AAK1: variants seen among roughly 807,000 people sequenced by gnomAD.
AAK1 encodes the protein AP2 associated kinase 1.
AAK1 carries 37 observed loss-of-function variants against 116.0 expected under a neutral mutation model. That is an observed-to-expected ratio of 0.32 (90% CI 0.25 to 0.42). The LOEUF (loss-of-function observed/expected upper bound fraction) is 0.42, where lower values mean the gene tolerates loss of function less well. AAK1 is among the 10% of genes least tolerant of loss of function. AAK1 has a pLI of 1.00. For missense variants in AAK1, 919 were observed against 1,170.6 expected, an observed-to-expected ratio of 0.79 and a Z score of 3.14; for synonymous variants, 458 against 439.9, an observed-to-expected ratio of 1.04 and a Z score of -0.51.
intron 14 of AAK1, among the ~76,000 whole-genome samples, chr2:69,507,983 A>C (rs936723425): frequency 1.3e-5 from 2 of 152,232 alleles, no homozygotes; most frequent in South Asian, 4.1e-4. Flanking sequence ...CTAGGATTAC[A>C]GGCGTGAGCC....
In AAK1 at chr2:69,459,154, A is replaced by G. The variant is rs7577689; in HGVS notation, c.*16715T>C. ...AAACTTGACCCTGCATTCCGGGAAA[A>G]GTACCTCTGGGTTGTCACTACAGAG... On this transcript the variant is annotated 3_prime_UTR_variant, in exon 22 of 22. Coordinates refer to ENST00000409085, the MANE Select transcript of AAK1 (RefSeq NM_014911.5). 103,486 of 152,144 alleles carry G rather than the reference A, an allele frequency of 0.68. 36,667 individuals carry two copies. Among genetic ancestry groups the G allele is most frequent in the African/African-American group, 0.9 (37,186 of 41,528 alleles). The allele number at this position is 152,144 out of a possible 1,614,324, so 9.4% of individuals were successfully genotyped here. A position where few individuals can be genotyped will look rare whatever the true frequency, so the allele number is the denominator to read the frequency against.
chr2:69,512,681 A>T (rs1676435972), intron 13 of AAK1, among the ~76,000 whole-genome samples: 1 of 152,258 alleles, frequency 6.6e-6, no homozygotes, highest in Admixed American at 6.5e-5. Flanking sequence ...CTCCTGGCCA[A>T]AGCATGGTCT....
rs1156711789 is a variant in AAK1, at chr2:69,530,534, C to T, written c.738+91G>A. ...GTAGACCATGATATGGTACAGTAGCCACCATGCTATAGCGCTGTGTGCATT... is the reference window on the plus strand; with the variant it reads ...GTAGACCATGATATGGTACAGTAGCTACCATGCTATAGCGCTGTGTGCATT... On this transcript the variant is annotated intron_variant, in intron 7 of 21. Coordinates refer to ENST00000409085, the MANE Select transcript of AAK1 (RefSeq NM_014911.5). 5.6e-6 allele frequency: 6 copies of T among 1,070,004 alleles called. No homozygotes were observed. The African/African-American group carries it at 9.4e-5, about 17-fold the overall frequency. 66.3% of individuals were successfully genotyped at this position (1,070,004 alleles called of 1,614,324 possible).
chr2:69,587,145 C>G (rs1483178309), intron 2 of AAK1, among the ~76,000 whole-genome samples: 1 of 151,262 alleles, frequency 6.6e-6, no homozygotes, highest in Admixed American at 6.6e-5. Context: ...AGTACGATGG[C>G]ATGCTGACAG....
intron 13 of AAK1, 46 bp downstream of exon 13, chr2:69,514,425 A>G (rs1218710558): frequency 1.3e-6 from 2 of 1,482,370 alleles, no homozygotes; most frequent in Non-Finnish European, 1.8e-6. Flanking sequence ...CTCTCGCTGC[A>G]CATTCCTCTG....
rs1053773450 is a variant in AAK1, at chr2:69,467,551, G to C, written c.*8318C>G. On this transcript the variant is annotated 3_prime_UTR_variant, in exon 22 of 22. Transcript: ENST00000409085. The stretch of plus-strand genomic sequence containing the variant: ...GGGGGTAAAGGTATCATTTCATCAT[G>C]GGCTCAGTAAAGAGATACTACTGGA... 1.8e-5 allele frequency: 18 copies of C among 985,190 alleles called. No homozygotes were observed. The highest frequency in any genetic ancestry group is 2.2e-5 in the Non-Finnish European group (18 of 829,916). The allele number at this position is 985,190 out of a possible 1,614,324, so 61.0% of individuals were successfully genotyped here. A position where few individuals can be genotyped will look rare whatever the true frequency, so the allele number is the denominator to read the frequency against.
At chr2:69,611,007 A>G (rs1674053617) in intron 2 of AAK1, among the ~76,000 whole-genome samples, 1 of 152,242 alleles carries the variant, frequency 6.6e-6, no homozygotes, top group Non-Finnish European at 1.5e-5. Flanking sequence ...TGATCCAGCA[A>G]TTCCATTTCT....
chr2:69,497,903 C>G (rs573616608), intron 16 of AAK1, among the ~76,000 whole-genome samples: 1 of 152,106 alleles, frequency 6.6e-6, no homozygotes, highest in African/African-American at 2.4e-5. Flanking sequence ...CCAGTTGTTA[C>G]GTGGCCCTAT....
Position 69,514,739 on chromosome 2 carries a change from A to G in AAK1, c.1508T>C (p.Val503Ala), listed in dbSNP as rs1676515386. 6.3e-7 allele frequency: 1 copy of G among 1,586,936 alleles called. No individual in the cohort carries two copies. Among genetic ancestry groups the G allele is most frequent in the Non-Finnish European group, 8.6e-7 (1 of 1,164,428 alleles). ...TGCTGGTTTCTGGGTTGCTGGATGT[A>G]CTGCCTGAAACTGAGCAAGAAATGA... ...QQAQTQQFQA[V>A]HPATQKPAIA... The change falls in exon 13 of 22, where the codon GTA becomes GCA. Residue 503 changes from valine (V) to alanine (A), a missense_variant. This residue lies in a region of AAK1 where 214 missense variants were observed against 210.6 expected (regional missense o/e 1.02). Coordinates refer to ENST00000409085, the MANE Select transcript of AAK1 (RefSeq NM_014911.5).
At position 69,466,813 on chromosome 2, in the gene AAK1, G is replaced by GT; in HGVS notation, c.*9055dup. 7 of 985,392 alleles carry GT rather than the reference G, an allele frequency of 7.1e-6. No homozygotes were observed. Among genetic ancestry groups the GT allele is most frequent in the Non-Finnish European group, 7.2e-6 (6 of 829,918 alleles). The allele number at this position is 985,392 out of a possible 1,614,324, so 61.0% of individuals were successfully genotyped here. On this transcript the variant is annotated 3_prime_UTR_variant, in exon 22 of 22. Coordinates refer to ENST00000409085, the MANE Select transcript of AAK1 (RefSeq NM_014911.5). ...GATGTTAGGCACACAGACATTCAGC[G>GT]TAACTATGCAATGCTCCTACACACA...
intron 2 of AAK1, chr2:69,594,935 T>C: frequency 9.8e-7 from 1 of 1,017,262 alleles, no homozygotes; most frequent in Non-Finnish European, 1.5e-6. Flanking sequence ...CTCTGCTTCC[T>C]GTCATAACGC....
intron 5 of AAK1, among the ~76,000 whole-genome samples, chr2:69,535,197 C>T (rs1670412157): frequency 1.3e-5 from 2 of 152,154 alleles, no homozygotes. Flanking sequence ...TCTAGAAAAG[C>T]TGTTATACCA....
chr2:69,466,556 A>G lies in AAK1; in HGVS notation c.*9313T>C, dbSNP rs1674491745. On this transcript the variant is annotated 3_prime_UTR_variant, in exon 22 of 22. Coordinates refer to ENST00000409085, the MANE Select transcript of AAK1 (RefSeq NM_014911.5). ...GATTGGACTCCCTCTGGAGATCTAG[A>G]AAAGCATAAAATGCAGAATTAATGT... 1 of 1,182,246 alleles carries G rather than the reference A, an allele frequency of 8.5e-7. No homozygotes were observed. Among genetic ancestry groups the G allele is most frequent in the South Asian group, 1.6e-5 (1 of 62,916 alleles). The allele number at this position is 1,182,246 out of a possible 1,614,324, so 73.2% of individuals were successfully genotyped here.
At chr2:69,594,659 G>T in intron 2 of AAK1, 1 of 556,768 alleles carries the variant, frequency 1.8e-6, no homozygotes, top group Non-Finnish European at 3.2e-6. Flanking sequence ...TGAATGCAAA[G>T]AAAATGTTCT....
At position 69,567,352 on chromosome 2, in the gene AAK1, C is replaced by G. The variant is rs936175864; in HGVS notation, c.164-10374G>C. ...TACACAGCACCCTCTACTTTCCCTC[C>G]AGGACATACCATGAATATAATTAAA... is the stretch of plus-strand genomic sequence containing the variant. On this transcript the variant is annotated intron_variant, in intron 2 of 21. Coordinates refer to ENST00000409085, the MANE Select transcript of AAK1 (RefSeq NM_014911.5). Among the ~76,000 whole-genome samples the G allele has an allele frequency of 3.3e-5, 5 of 152,202 alleles. No homozygotes were observed. In the East Asian group the frequency reaches 9.6e-4, roughly 29 times the overall value.
chr2:69,561,464 G>A (rs1233901734), intron 2 of AAK1, among the ~76,000 whole-genome samples: 2 of 152,164 alleles, frequency 1.3e-5, no homozygotes, highest in Admixed American at 6.5e-5. Context: ...AATAAGGTAG[G>A]CGAGCAACCT....
At chr2:69,545,917 GGCA>G (rs1347952137) in intron 3 of AAK1, among the ~76,000 whole-genome samples, 18 of 152,128 alleles carry the variant, frequency 1.2e-4, no homozygotes, top group Non-Finnish European at 4.4e-5. Flanking sequence ...TTGTGCCTAA[GGCA>G]GCAGCATTGA....
Position 69,471,397 on chromosome 2 carries a change from T to C in AAK1, c.*4472A>G. 1.0e-6 allele frequency: 1 copy of C among 985,404 alleles called. No individual in the cohort carries two copies. Among genetic ancestry groups the C allele is most frequent in the Non-Finnish European group, 1.2e-6 (1 of 829,910 alleles). The allele number at this position is 985,404 out of a possible 1,614,324, so 61.0% of individuals were successfully genotyped here. On this transcript the variant is annotated 3_prime_UTR_variant, in exon 22 of 22. Coordinates refer to ENST00000409085, the MANE Select transcript of AAK1 (RefSeq NM_014911.5). ...GCACATCCAACTTCAGAAACATTAC[T>C]AATGTGGAAAAAGAAAAGGCTGACT...
At chr2:69,609,238 C>T (rs538147594) in intron 2 of AAK1, among the ~76,000 whole-genome samples, 2 of 152,116 alleles carry the variant, frequency 1.3e-5, no homozygotes, top group African/African-American at 4.8e-5. Context: ...TGGCGGGTGC[C>T]TGTAGTCCCA....
Sources: allele counts gnomAD v4.1 joint callset (sites outside exome capture counted in the v4.1 genomes callset), GRCh38; gene constraint gnomAD v4.1.1; regional missense constraint gnomAD v4.1.1; transcripts MANE v1.5; gene names NCBI Gene and HGNC (gene_info 2026-07-23, HGNC 2026-07-21).